LRP1B: variants seen among roughly 807,000 people sequenced by gnomAD.
LRP1B encodes low-density lipoprotein receptor-related protein 1B.
LRP1B carries 217 observed loss-of-function variants against 556.6 expected under a neutral mutation model. The observed-to-expected ratio is 0.39, with a 90% CI of 0.35 to 0.44. The LOEUF (loss-of-function observed/expected upper bound fraction) is 0.44, where lower values mean the gene tolerates loss of function less well. Among genes scored for constraint, LRP1B ranks in the 20% least tolerant of loss-of-function variants. The pLI is 1.00. For missense variants in LRP1B, 5,053 were observed against 5,620.8 expected (o/e 0.90, Z 3.23); for synonymous variants, 2,047 against 1,865.8 (o/e 1.10, Z -2.50).
chr2:140,739,495 G>A (rs1227936457), intron 35 of LRP1B, among the ~76,000 whole-genome samples: 3 of 152,134 alleles, frequency 2.0e-5, no homozygotes, highest in Non-Finnish European at 2.9e-5. Flanking sequence ...AGAAAGGAGA[G>A]TTTCCATTTC....
chr2:141,881,722 T>A (rs7579772), intron 1 of LRP1B, among the ~76,000 whole-genome samples: 55,131 of 151,794 alleles, frequency 0.36, 11,230 homozygotes, highest in Admixed American at 0.48. Flanking sequence ...CCATATAAGC[T>A]TTCTTGTAGG....
intron 1 of LRP1B, among the ~76,000 whole-genome samples, chr2:142,108,538 C>G (rs1301772582): frequency 6.6e-6 from 1 of 152,136 alleles, no homozygotes; most frequent in African/African-American, 2.4e-5. Context: ...TTTTTAGAGT[C>G]TTTGCCTTTT....
intron 1 of LRP1B, among the ~76,000 whole-genome samples, chr2:142,010,446 C>G (rs1702921013): frequency 6.8e-6 from 1 of 146,752 alleles, no homozygotes; most frequent in Non-Finnish European, 1.5e-5. Context: ...CTCAGCTACT[C>G]GGAGAGGCTG....
At chr2:142,101,545 T>A (rs1198980568) in intron 1 of LRP1B, among the ~76,000 whole-genome samples, 7 of 152,026 alleles carry the variant, frequency 4.6e-5, no homozygotes, top group Non-Finnish European at 8.8e-5. Context: ...ACTCTTACAG[T>A]CCTAAAGACT....
At chr2:140,706,154 T>C (rs1686829053) in intron 37 of LRP1B, among the ~76,000 whole-genome samples, 1 of 152,036 alleles carries the variant, frequency 6.6e-6, no homozygotes. Context: ...TAGGAAGAAA[T>C]GAAAATATTT....
chr2:141,792,434 AAT>A (rs1320800173), intron 2 of LRP1B, among the ~76,000 whole-genome samples: 2 of 151,982 alleles, frequency 1.3e-5, no homozygotes, highest in Non-Finnish European at 2.9e-5. Context: ...CATTTATGTT[AAT>A]ATATGTTTCA....
intron 1 of LRP1B, among the ~76,000 whole-genome samples, chr2:141,881,848 T>C (rs1380668707): frequency 1.3e-5 from 2 of 152,120 alleles, no homozygotes; most frequent in Non-Finnish European, 2.9e-5. Context: ...AATGTCAATA[T>C]TGAATATCAA....
chr2:141,024,640 G>T (rs761097468), intron 11 of LRP1B, among the ~76,000 whole-genome samples: 1 of 152,022 alleles, frequency 6.6e-6, no homozygotes, highest in Non-Finnish European at 1.5e-5. Flanking sequence ...TAAGGACTGA[G>T]ATTTTTATCA....
chr2:141,903,671 G>T (rs1369518658), intron 1 of LRP1B, among the ~76,000 whole-genome samples: 1 of 151,882 alleles, frequency 6.6e-6, no homozygotes. Context: ...TACATGCTAG[G>T]CAGTACACTA....
chr2:141,770,933 A>T (rs757619863), intron 2 of LRP1B, among the ~76,000 whole-genome samples: 4 of 152,258 alleles, frequency 2.6e-5, no homozygotes, highest in Non-Finnish European at 4.4e-5. Context: ...CAGCTAAGGA[A>T]GACTAACCTG....
In LRP1B at chr2:141,316,115, T is replaced by C. The variant is rs975683736; in HGVS notation, c.344-61474A>G. 5.9e-5 allele frequency among the ~76,000 whole-genome samples: 9 copies of C among 152,208 alleles called. No individual in the cohort carries two copies. The South Asian group carries it at 6.2e-4, about 11-fold the overall frequency. On this transcript the variant is annotated intron_variant, in intron 3 of 90. Transcript: ENST00000389484. ...GGCAGAAGAATCACCTCCCAGGTTT[T>C]ATTCTGCTTGAACCCCGTGGAAAGC...
intron 18 of LRP1B, among the ~76,000 whole-genome samples, chr2:140,976,940 A>T (rs1370737036): frequency 6.6e-6 from 1 of 152,254 alleles, no homozygotes; most frequent in Non-Finnish European, 1.5e-5. Context: ...CTATAATGAG[A>T]TACTTGGAAG....
rs1559131584 is a variant in LRP1B, at chr2:141,544,386, TC to T, written c.206-63854del. Among the ~76,000 whole-genome samples, 394 of 80,324 alleles carry T rather than the reference TC, an allele frequency of 4.9e-3. 22 individuals are homozygous for T. The highest frequency in any genetic ancestry group is 0.012 in the African/African-American group (313 of 26,458). 52.7% of individuals were successfully genotyped at this position (80,324 alleles called of 152,430 possible). On this transcript the variant is annotated intron_variant, in intron 2 of 90. Transcript: ENST00000389484. Reference sequence around the variant, plus strand: ...CTTCTTCTTCTTCTTCTTCTTCTCCTCCTCCTCCTCCTCCTCCTCCTCCTCC... The same window carrying T: ...CTTCTTCTTCTTCTTCTTCTTCTCCTCTCCTCCTCCTCCTCCTCCTCCTCC...
chr2:141,349,926 C>T lies in LRP1B; in HGVS notation c.344-95285G>A, dbSNP rs149662839. Among the ~76,000 whole-genome samples, 418 of 152,172 alleles carry T rather than the reference C, an allele frequency of 2.7e-3. 6 individuals carry two copies. The highest frequency in any genetic ancestry group is 9.3e-3 in the African/African-American group (385 of 41,508). On this transcript the variant is annotated intron_variant, in intron 3 of 90. Transcript: ENST00000389484. Reference sequence around the variant, plus strand: ...TGATAAAGACACACCCAAGACTGGACAATTTACAAAAGAAAGAGGTTTAAT... The same window carrying T: ...TGATAAAGACACACCCAAGACTGGATAATTTACAAAAGAAAGAGGTTTAAT...
intron 35 of LRP1B, among the ~76,000 whole-genome samples, chr2:140,756,619 T>C (rs1263063878): frequency 1.3e-5 from 2 of 152,160 alleles, no homozygotes; most frequent in Non-Finnish European, 2.9e-5. Context: ...GATAAGTAAA[T>C]ATCCATATGC....
At chr2:141,446,341 G>A (rs1304850956) in intron 3 of LRP1B, among the ~76,000 whole-genome samples, 4 of 151,980 alleles carry the variant, frequency 2.6e-5, no homozygotes, top group Non-Finnish European at 4.4e-5. Context: ...ACAGTCCATC[G>A]ATGGGTCTTG....
At chr2:141,698,809 G>A (rs1000806845) in intron 2 of LRP1B, among the ~76,000 whole-genome samples, 4 of 151,496 alleles carry the variant, frequency 2.6e-5, no homozygotes, top group Admixed American at 2.0e-4. Context: ...AGTTCTTTAC[G>A]GTGCTTAGTA....
At chr2:140,585,150 T>C (rs887727825) in intron 43 of LRP1B, among the ~76,000 whole-genome samples, 1 of 152,136 alleles carries the variant, frequency 6.6e-6, no homozygotes, top group Non-Finnish European at 1.5e-5. Flanking sequence ...TGTGTATGTG[T>C]GTAGTGAATG....
At chr2:141,080,505 C>T (rs1036798256) in intron 7 of LRP1B, among the ~76,000 whole-genome samples, 8 of 152,130 alleles carry the variant, frequency 5.3e-5, no homozygotes, top group African/African-American at 1.7e-4. Flanking sequence ...CTTGACATTA[C>T]GACTTAACTC....
Sources: gnomAD v4.1 joint callset for allele counts (sites outside exome capture counted in the v4.1 genomes callset) on GRCh38, gnomAD v4.1.1 for gene constraint, MANE v1.5 for transcripts, NCBI Gene and HGNC (gene_info 2026-07-23, HGNC 2026-07-21) for gene names.